The following CREB3L2 variants were observed in gnomAD, a reference collection of about 807,000 sequenced individuals.
The protein encoded by CREB3L2 is cAMP responsive element binding protein 3 like 2.
A neutral mutation model predicts 57.2 loss-of-function variants in CREB3L2; 23 were observed. The observed-to-expected ratio is 0.40, with a 90% confidence interval of 0.29 to 0.57. The LOEUF (loss-of-function observed/expected upper bound fraction) is 0.57, where lower values mean the gene tolerates loss of function less well. Among genes scored for constraint, CREB3L2 ranks in the 20% least tolerant of loss-of-function variants. CREB3L2 has a pLI of 0.42. For missense variants in CREB3L2, 628 were observed against 634.7 expected (o/e 0.99, Z 0.11); for synonymous variants, 268 against 265.1 (o/e 1.01, Z -0.11).
At chr7:137,983,667 T>C (rs538235168) in intron 1 of CREB3L2, among the ~76,000 whole-genome samples, 1 of 152,306 alleles carries the variant, frequency 6.6e-6, no homozygotes, top group South Asian at 2.1e-4. Flanking sequence ...CAAGCCACCT[T>C]CCCGGCCTGG....
intron 2 of CREB3L2, among the ~76,000 whole-genome samples, chr7:137,921,882 C>T (rs373593154): frequency 3.3e-5 from 5 of 152,198 alleles, no homozygotes; most frequent in East Asian, 1.9e-4. Context: ...GCGATCCTGC[C>T]GCCTCAGCCT....
chr7:137,912,788 G>A (rs1004831254), intron 4 of CREB3L2: 22 of 1,454,906 alleles, frequency 1.5e-5, no homozygotes, highest in Admixed American at 4.1e-5. Flanking sequence ...ATTTAATCAC[G>A]TGCATATATG....
At chr7:137,899,960 C>A (rs2117197456) in intron 8 of CREB3L2, among the ~76,000 whole-genome samples, 1 of 152,258 alleles carries the variant, frequency 6.6e-6, no homozygotes, top group East Asian at 1.9e-4. Flanking sequence ...TAACACTGAC[C>A]CTTAATCTGA....
At chr7:137,991,330 A>AT (rs201636209) in intron 1 of CREB3L2, among the ~76,000 whole-genome samples, 5,953 of 151,170 alleles carry the variant, frequency 0.039, 387 homozygotes, top group African/African-American at 0.13. Flanking sequence ...CACCTGGCTA[A>AT]TTTTTTTGTA....
chr7:137,879,136 T>C lies in CREB3L2; in HGVS notation c.*1340A>G, dbSNP rs1799225592. The C allele has an allele frequency of 2.0e-6, 1 of 505,624 alleles. No homozygotes were observed. The highest frequency in any genetic ancestry group is 1.9e-5 in the African/African-American group (1 of 51,362). The allele number at this position is 505,624 out of a possible 1,614,324, so 31.3% of individuals were successfully genotyped here. ...TCTTATTTATATGAAAGAGGAAAGA[T>C]TTTTTTAAACTACAAAAGTTACTTT... On this transcript the variant is annotated 3_prime_UTR_variant, in exon 12 of 12. Coordinates refer to ENST00000330387, the MANE Select transcript of CREB3L2 (RefSeq NM_194071.4).
intron 1 of CREB3L2, among the ~76,000 whole-genome samples, chr7:137,946,900 T>TTATATATATAGTTA (rs1801001544): frequency 1.2e-4 from 3 of 25,906 alleles, no homozygotes; most frequent in Admixed American, 4.7e-4. Flanking sequence ...ATATATATAG[T>TTATATATATAGTTA]TATATATATA....
intron 2 of CREB3L2, among the ~76,000 whole-genome samples, chr7:137,924,560 A>G (rs1247496707): frequency 6.6e-6 from 1 of 152,250 alleles, no homozygotes; most frequent in Non-Finnish European, 1.5e-5. Flanking sequence ...TTCTCAAAGC[A>G]TAAAAGTATC....
At position 137,991,265 on chromosome 7, in the gene CREB3L2, G is replaced by C. The variant is rs572326146; in HGVS notation, c.102+10339C>G. Among the ~76,000 whole-genome samples the C allele has an allele frequency of 2.0e-5, 3 of 151,756 alleles. No homozygotes were observed. The South Asian group carries it at 6.2e-4, about 32-fold the overall frequency. On this transcript the variant is annotated intron_variant, in intron 1 of 11. Coordinates refer to ENST00000330387, the MANE Select transcript of CREB3L2 (RefSeq NM_194071.4). ...TGCAAGCTCCACCTCCCGGGTTCAT[G>C]CTATTCTCCTGCCTCAGCCTCCCGA... is the stretch of plus-strand genomic sequence containing the variant.
At chr7:137,882,670 CA>C (rs1563236710) in intron 10 of CREB3L2, 42 bp from the exon 11 acceptor site, 2 of 1,412,478 alleles carry the variant, frequency 1.4e-6, no homozygotes, top group African/African-American at 2.8e-5. Flanking sequence ...CAAAAGACCA[CA>C]GGGGTCCAAC....
intron 1 of CREB3L2, among the ~76,000 whole-genome samples, chr7:137,972,437 CAAACA>C (rs58799428): frequency 3.0e-4 from 45 of 151,476 alleles, no homozygotes; most frequent in Admixed American, 2.6e-3. Flanking sequence ...GACTCCATCT[CAAACA>C]AAACAAAACA....
intron 2 of CREB3L2, 125 bp downstream of exon 2, chr7:137,928,025 C>T: frequency 1.3e-6 from 1 of 780,176 alleles, no homozygotes; most frequent in African/African-American, 1.8e-5. Flanking sequence ...CAAGGCCGTA[C>T]ACACTGTAGG....
At chr7:137,932,468 C>T (rs1800670048) in intron 1 of CREB3L2, among the ~76,000 whole-genome samples, 1 of 152,170 alleles carries the variant, frequency 6.6e-6, no homozygotes, top group South Asian at 2.1e-4. Context: ...CGCAGTGGCT[C>T]ACACCTGTAA....
chr7:137,897,757 G>C (rs1472545779), intron 8 of CREB3L2, among the ~76,000 whole-genome samples: 1 of 152,140 alleles, frequency 6.6e-6, no homozygotes, highest in Non-Finnish European at 1.5e-5. Context: ...TCTTAACAAA[G>C]AAGTATGTAC....
intron 8 of CREB3L2, among the ~76,000 whole-genome samples, chr7:137,897,408 C>T (rs147813110): frequency 1.0e-3 from 156 of 152,246 alleles, no homozygotes; most frequent in African/African-American, 3.4e-3. Flanking sequence ...CTCGCTCTGT[C>T]GCCCAGGCTG....
Position 138,002,080 on chromosome 7 carries a change from C to A in CREB3L2, c.-375G>T, listed in dbSNP as rs1366398766. 2 of 266,412 alleles carry A rather than the reference C, an allele frequency of 7.5e-6. No homozygotes were observed. The highest frequency in any genetic ancestry group is 1.4e-5 in the Non-Finnish European group (2 of 138,532). 16.5% of individuals were successfully genotyped at this position (266,412 alleles called of 1,614,324 possible). ...AACTTTGAGGGACCCCAGGGCTCCT[C>A]GGCTCTGCTCCAGGACCCAGCTGCG... On this transcript the variant is annotated 5_prime_UTR_variant, in exon 1 of 12. Coordinates refer to ENST00000330387, the MANE Select transcript of CREB3L2 (RefSeq NM_194071.4).
At chr7:137,961,258 T>C (rs1346876339) in intron 1 of CREB3L2, among the ~76,000 whole-genome samples, 1 of 151,690 alleles carries the variant, frequency 6.6e-6, no homozygotes, top group Non-Finnish European at 1.5e-5. Flanking sequence ...ATTTTCTCAA[T>C]GTAAATGAAT....
intron 10 of CREB3L2, chr7:137,884,249 CTTT>C (rs113133425): frequency 1.2e-4 from 13 of 110,656 alleles, no homozygotes; most frequent in South Asian, 2.9e-4. Flanking sequence ...CTTGCTGATT[CTTT>C]TTTTTTTTTT....
chr7:137,914,909 C>A (rs1219319413), intron 3 of CREB3L2, among the ~76,000 whole-genome samples: 1 of 151,336 alleles, frequency 6.6e-6, no homozygotes, highest in African/African-American at 2.4e-5. Flanking sequence ...TTTTTTATTT[C>A]TTGAGACAGA....
intron 8 of CREB3L2, among the ~76,000 whole-genome samples, chr7:137,896,287 A>G (rs1029794891): frequency 6.6e-6 from 1 of 152,230 alleles, no homozygotes; most frequent in Non-Finnish European, 1.5e-5. Context: ...GCCAAAATAC[A>G]TTAAAAGCTA....
Sources: allele counts gnomAD v4.1 joint callset (sites outside exome capture counted in the v4.1 genomes callset), GRCh38; gene constraint gnomAD v4.1.1; transcripts MANE v1.5; gene names NCBI Gene and HGNC (gene_info 2026-07-23, HGNC 2026-07-21).